The following PDCD6IP variants were observed in gnomAD, a reference collection of about 807,000 sequenced individuals.
The protein encoded by PDCD6IP is programmed cell death 6 interacting protein.
In PDCD6IP, 43 loss-of-function variants were observed where a neutral mutation model predicts 103.7. That is an observed-to-expected ratio of 0.41 (90% confidence interval 0.32 to 0.53). The LOEUF is 0.53. Ranked by LOEUF, PDCD6IP falls within the 20% of genes least tolerant of loss-of-function variation. The pLI is 0.16. For missense variants in PDCD6IP, 871 were observed against 1,036.7 expected (o/e 0.84, Z 2.20); for synonymous variants, 354 against 378.7 (o/e 0.93, Z 0.76).
At chr3:33,826,442 A>G (rs763769403) in intron 5 of PDCD6IP, 38 bp from the exon 6 acceptor site, 1 of 1,392,640 alleles carries the variant, frequency 7.2e-7, no homozygotes, top group Non-Finnish European at 1.0e-6. Flanking sequence ...AGATTAGCTC[A>G]TATTTATTTT....
intron 8 of PDCD6IP, among the ~76,000 whole-genome samples, chr3:33,837,359 T>A (rs1697373085): frequency 6.6e-6 from 1 of 152,192 alleles, no homozygotes; most frequent in South Asian, 2.1e-4. Flanking sequence ...AAAGGGTGAT[T>A]ATATGTTTAT....
rs989356934 is a variant in PDCD6IP at position 33,867,251 on chromosome 3, A to G, written c.*726A>G. The stretch of plus-strand genomic sequence containing the variant: ...GAAAGTCCTATAATGTGGAAGAAAC[A>G]AACAGTTGCTACCAAAGATTCTTCA... On this transcript the variant is annotated 3_prime_UTR_variant, in exon 18 of 18. Coordinates refer to ENST00000307296, the MANE Select transcript of PDCD6IP (RefSeq NM_013374.6). 6.6e-6 allele frequency: 1 copy of G among 152,214 alleles called. No homozygotes were observed. The highest frequency in any genetic ancestry group is 1.5e-5 in the Non-Finnish European group (1 of 68,026). 9.4% of individuals were successfully genotyped at this position (152,214 alleles called of 1,614,324 possible).
Position 33,865,855 on chromosome 3 carries a change from G to A in PDCD6IP, c.2432+425G>A, listed in dbSNP as rs148021797. ...AATTATGGGTTGCACTTTCTTAAAG[G>A]TTAATCTCTGTGGTAATTTCTTAAT... On this transcript the variant is annotated intron_variant, in intron 17 of 17. Transcript: ENST00000307296. 9.1e-4 allele frequency among the ~76,000 whole-genome samples: 138 copies of A among 152,210 alleles called. No homozygotes were observed. The Middle Eastern group carries it at 0.01, about 11-fold the overall frequency.
chr3:33,858,684 C>G (rs1437539145), intron 15 of PDCD6IP, among the ~76,000 whole-genome samples: 1 of 152,036 alleles, frequency 6.6e-6, no homozygotes, highest in African/African-American at 2.4e-5. Flanking sequence ...GTGGCGGGCG[C>G]CTGTAATCCC....
intron 1 of PDCD6IP, among the ~76,000 whole-genome samples, chr3:33,804,366 C>T (rs905053690): frequency 6.6e-6 from 1 of 152,208 alleles, no homozygotes; most frequent in Non-Finnish European, 1.5e-5. Flanking sequence ...TCCCACCTGG[C>T]TGTCTCAATA....
At chr3:33,816,503 TAAAAAAAAA>T (rs57317946) in intron 3 of PDCD6IP, among the ~76,000 whole-genome samples, 9 of 57,636 alleles carry the variant, frequency 1.6e-4, no homozygotes, top group African/African-American at 6.2e-4. Context: ...AGATTCTGTC[TAAAAAAAAA>T]AAAAAAAAAA....
chr3:33,822,163 G>T, intron 4 of PDCD6IP, 81 bp downstream of exon 4: 1 of 1,400,592 alleles, frequency 7.1e-7, no homozygotes. Flanking sequence ...TAGGTTTATA[G>T]ATACTTCTTA....
chr3:33,798,897 C>T lies in PDCD6IP; in HGVS notation c.169C>T (p.Pro57Ser), dbSNP rs759005984. The change falls in exon 1 of 18, where the codon CCG becomes TCG. Residue 57 changes from proline (P) to serine (S), a missense_variant. Pro to Ser is a moderately conservative substitution (Grantham distance 74). Around this residue, in one of 5 missense-constraint regions of PDCD6IP, gnomAD observed 114 missense variants for 106.7 expected, o/e 1.07. Coordinates refer to ENST00000307296, the MANE Select transcript of PDCD6IP (RefSeq NM_013374.6). Reference protein sequence around the residue: ...SKLRRAAVGRPLDKHEGALET... With the variant: ...SKLRRAAVGRSLDKHEGALET... ...GCTGCGCCGCGCCGCAGTCGGTCGTCCGCTGGACAAGCACGAGGGCGCGCT... is the reference window on the plus strand; with the variant it reads ...GCTGCGCCGCGCCGCAGTCGGTCGTTCGCTGGACAAGCACGAGGGCGCGCT... 2 of 1,547,122 alleles carry T rather than the reference C, an allele frequency of 1.3e-6. No homozygotes were observed. The highest frequency in any genetic ancestry group is 1.7e-6 in the Non-Finnish European group (2 of 1,144,436).
chr3:33,860,379 C>T (rs1697926457), intron 15 of PDCD6IP, among the ~76,000 whole-genome samples: 1 of 152,120 alleles, frequency 6.6e-6, no homozygotes, highest in Non-Finnish European at 1.5e-5. Flanking sequence ...GGCCAAAATC[C>T]TTTGAAATCT....
chr3:33,814,411 A>G (rs1191874473), intron 3 of PDCD6IP, among the ~76,000 whole-genome samples: 1 of 151,954 alleles, frequency 6.6e-6, no homozygotes, highest in Non-Finnish European at 1.5e-5. Context: ...CTGGGATTAC[A>G]GGTGTGAGCC....
At chr3:33,837,218 C>G (rs1697370175) in intron 8 of PDCD6IP, among the ~76,000 whole-genome samples, 1 of 152,098 alleles carries the variant, frequency 6.6e-6, no homozygotes, top group African/African-American at 2.4e-5. Context: ...CCGTGCCCGG[C>G]CTATTTCTTT....
intron 12 of PDCD6IP, among the ~76,000 whole-genome samples, chr3:33,848,252 A>G (rs2125570251): frequency 6.6e-6 from 1 of 152,304 alleles, no homozygotes; most frequent in African/African-American, 2.4e-5. Context: ...ACATAAAGAG[A>G]CAAAAAACTC....
rs545878140 is a variant in PDCD6IP at position 33,858,638 on chromosome 3, G to C, written c.2120+3378G>C. On this transcript the variant is annotated intron_variant, in intron 15 of 17. Coordinates refer to ENST00000307296, the MANE Select transcript of PDCD6IP (RefSeq NM_013374.6). Reference sequence around the variant, plus strand: ...ATCCTGGCTAACACGGTGAAACCCCGTCTCTACTAAAAATACAAAAAACTA... The same window carrying C: ...ATCCTGGCTAACACGGTGAAACCCCCTCTCTACTAAAAATACAAAAAACTA... 2.1e-3 allele frequency among the ~76,000 whole-genome samples: 315 copies of C among 152,178 alleles called. 3 individuals are homozygous for C. The highest frequency in any genetic ancestry group is 7.1e-3 in the African/African-American group (293 of 41,542).
chr3:33,817,139 C>G (rs1575908476), intron 3 of PDCD6IP, among the ~76,000 whole-genome samples: 2 of 152,226 alleles, frequency 1.3e-5, no homozygotes, highest in African/African-American at 4.8e-5. Context: ...AATAAAAGGC[C>G]TGCCTTAGTT....
At chr3:33,859,461 A>C (rs990782502) in intron 15 of PDCD6IP, among the ~76,000 whole-genome samples, 3 of 151,752 alleles carry the variant, frequency 2.0e-5, no homozygotes, top group South Asian at 4.1e-4. Flanking sequence ...AGGCTAATTT[A>C]CTTTATTTAG....
chr3:33,805,033 T>A (rs886751359), intron 1 of PDCD6IP, among the ~76,000 whole-genome samples: 2 of 152,200 alleles, frequency 1.3e-5, no homozygotes, highest in African/African-American at 4.8e-5. Flanking sequence ...TTGGTTGTTC[T>A]TGATCCCCAC....
chr3:33,840,327 T>G (rs917454097), intron 9 of PDCD6IP, among the ~76,000 whole-genome samples: 1 of 152,206 alleles, frequency 6.6e-6, no homozygotes, highest in Non-Finnish European at 1.5e-5. Flanking sequence ...TTGAGTAGGC[T>G]GAGGAAGAGG....
chr3:33,851,790 A>T (rs576483124), intron 12 of PDCD6IP, among the ~76,000 whole-genome samples: 108 of 152,278 alleles, frequency 7.1e-4, no homozygotes, highest in Middle Eastern at 3.4e-3. Context: ...AGAGAGGCAC[A>T]AGAACCCTCT....
At position 33,798,661 on chromosome 3, in the gene PDCD6IP, T is replaced by G; in HGVS notation, c.-68T>G. ...TCCGCCAGTCCGCCAGCCCAGTACC[T>G]CTCTCTCCTCGGCCCTCGTAAGCTG... On this transcript the variant is annotated 5_prime_UTR_variant, in exon 1 of 18. Transcript: ENST00000307296. The G allele has an allele frequency of 1.4e-6, 2 of 1,380,964 alleles. No individual in the cohort carries two copies. The highest frequency in any genetic ancestry group is 2.0e-6 in the Non-Finnish European group (2 of 1,024,194). The allele number at this position is 1,380,964 out of a possible 1,614,324, so 85.5% of individuals were successfully genotyped here. A position where few individuals can be genotyped will look rare whatever the true frequency, so the allele number is the denominator to read the frequency against.
Sources: allele counts gnomAD v4.1 joint callset (sites outside exome capture counted in the v4.1 genomes callset), GRCh38; gene constraint gnomAD v4.1.1; regional missense constraint gnomAD v4.1.1; transcripts MANE v1.5; gene names NCBI Gene and HGNC (gene_info 2026-07-23, HGNC 2026-07-21).